The following OCRL variants were observed in gnomAD, a reference collection of about 807,000 sequenced individuals.
OCRL encodes OCRL inositol polyphosphate-5-phosphatase.
OCRL carries 8 observed loss-of-function variants against 78.9 expected under a neutral mutation model. The ratio of observed to expected loss-of-function variants is 0.10; its 90% CI spans 0.06 to 0.18. The LOEUF (loss-of-function observed/expected upper bound fraction) is 0.18, where lower values mean the gene tolerates loss of function less well. OCRL is among the 10% of genes least tolerant of loss of function. The pLI is 1.00. For missense variants in OCRL, 454 were observed against 696.7 expected (o/e 0.65, Z 3.92); for synonymous variants, 240 against 235.4 (o/e 1.02, Z -0.18).
At chrX:129,587,876 A>G (rs1936534304) in intron 20 of OCRL, among the ~76,000 whole-genome samples, 1 of 110,308 alleles carries the variant, frequency 9.1e-6, no homozygotes, top group African/African-American at 3.3e-5. Context: ...CTCTATAAAA[A>G]AAAATTTTAA....
intron 16 of OCRL, 34 bp from the exon 17 acceptor site, chrX:129,575,863 T>C (rs1350372235): frequency 2.5e-6 from 3 of 1,201,747 alleles, no homozygotes; most frequent in Non-Finnish European, 3.4e-6. Flanking sequence ...CCCCTACTAG[T>C]GATGCATGTT....
At chrX:129,542,090 C>A (rs1477935072) in intron 2 of OCRL, among the ~76,000 whole-genome samples, 2 of 112,113 alleles carry the variant, frequency 1.8e-5, no homozygotes, top group Non-Finnish European at 3.8e-5. Flanking sequence ...CTTGGGCAAA[C>A]CAGTAAAACT....
intron 18 of OCRL, among the ~76,000 whole-genome samples, chrX:129,580,521 A>G (rs961835769): frequency 6.2e-5 from 7 of 112,292 alleles, no homozygotes; most frequent in Middle Eastern, 4.2e-3. Flanking sequence ...TATAGTTGGA[A>G]GAACATTCTG....
At chrX:129,560,495 T>C in intron 8 of OCRL, 55 bp from the exon 9 acceptor site, 1 of 790,793 alleles carries the variant, frequency 1.3e-6, no homozygotes, top group Non-Finnish European at 1.9e-6. Flanking sequence ...AAAGAACTTC[T>C]GTTGGTTTAT....
intron 3 of OCRL, among the ~76,000 whole-genome samples, chrX:129,547,661 T>C (rs984382716): frequency 1.2e-4 from 13 of 111,795 alleles, no homozygotes; most frequent in Non-Finnish European, 2.1e-4. Flanking sequence ...TTAATCATCC[T>C]AATAATAATA....
intron 15 of OCRL, among the ~76,000 whole-genome samples, chrX:129,572,224 G>T (rs143968532): frequency 1.8e-5 from 2 of 111,468 alleles, no homozygotes; most frequent in Non-Finnish European, 3.8e-5. Flanking sequence ...TATCATAAAC[G>T]GTCTTATATG....
rs771353823 is a variant in OCRL, at chrX:129,558,975, A to C, written c.696A>C (p.Lys232Asn). ...LIKHILAKREKEYVNIQTFRF... is the reference protein window; with the variant it reads ...LIKHILAKRENEYVNIQTFRF... ...AACATATCCTGGCAAAGCGAGAGAAAGAATATGTCAACATTCAGACTTTCA... is the reference window on the plus strand; with the variant it reads ...AACATATCCTGGCAAAGCGAGAGAACGAATATGTCAACATTCAGACTTTCA... Residue 232 changes from lysine to asparagine, a missense_variant, in exon 8 of 24, where the codon AAA (lysine) becomes AAC (asparagine). By Grantham distance (94) the Lys-to-Asn change is moderately conservative (BLOSUM62 0). Around this residue, in one of 2 missense-constraint regions of OCRL, gnomAD observed 177 missense variants for 179.6 expected, o/e 0.99. Coordinates refer to ENST00000371113, the MANE Select transcript of OCRL (RefSeq NM_000276.4). 3 of 1,211,094 alleles carry C rather than the reference A, an allele frequency of 2.5e-6. No individual in the cohort carries two copies. In the South Asian group the frequency reaches 5.3e-5, roughly 21 times the overall value.
chrX:129,581,685 T>C (rs1936440604), intron 18 of OCRL, among the ~76,000 whole-genome samples: 1 of 102,736 alleles, frequency 9.7e-6, no homozygotes, highest in Admixed American at 1.1e-4. Flanking sequence ...TATCCTTTAA[T>C]ATATATACTT....
At position 129,542,603 on chromosome X, in the gene OCRL, A is replaced by C. The variant is rs533326270; in HGVS notation, c.119+1780A>C. Reference sequence around the variant, plus strand: ...TAATCCACATGTGAGGGTTACTATAAGATAGTAATATCATCATCCCCCTTT... The same window carrying C: ...TAATCCACATGTGAGGGTTACTATACGATAGTAATATCATCATCCCCCTTT... On this transcript the variant is annotated intron_variant, in intron 2 of 23. Transcript: ENST00000371113. 5.9e-4 allele frequency among the ~76,000 whole-genome samples: 66 copies of C among 111,044 alleles called. 2 individuals carry two copies. The South Asian group carries it at 0.025, about 42-fold the overall frequency.
chrX:129,559,373 G>GT (rs1246513941), intron 8 of OCRL, among the ~76,000 whole-genome samples: 1 of 111,612 alleles, frequency 9.0e-6, no homozygotes, highest in Non-Finnish European at 1.9e-5. Context: ...TAATATTTGT[G>GT]TTTTTTATAG....
At chrX:129,571,194 T>G (rs1936294192) in intron 15 of OCRL, among the ~76,000 whole-genome samples, 1 of 111,389 alleles carries the variant, frequency 9.0e-6, no homozygotes, top group African/African-American at 3.3e-5. Context: ...TAGTTTGTAC[T>G]TGCAGGCTGC....
At chrX:129,574,198 G>C (rs867102530) in intron 15 of OCRL, among the ~76,000 whole-genome samples, 13 of 112,094 alleles carry the variant, frequency 1.2e-4, no homozygotes, top group South Asian at 7.4e-4. Flanking sequence ...ACCAGCATCT[G>C]TTTCCACATC....
intron 2 of OCRL, among the ~76,000 whole-genome samples, chrX:129,544,301 G>A (rs1935848615): frequency 9.0e-6 from 1 of 111,135 alleles, no homozygotes; most frequent in Admixed American, 9.6e-5. Context: ...GTTTACTCAT[G>A]TTTATGTAGA....
intron 2 of OCRL, among the ~76,000 whole-genome samples, chrX:129,542,005 TAAAAC>T (rs1341669111): frequency 8.9e-6 from 1 of 112,352 alleles, no homozygotes; most frequent in African/African-American, 3.2e-5. Context: ...CAGAATTTAA[TAAAAC>T]AAAATTCAGC....
chrX:129,580,580 G>T (rs1936426184), intron 18 of OCRL, among the ~76,000 whole-genome samples: 1 of 112,378 alleles, frequency 8.9e-6, no homozygotes, highest in Admixed American at 9.4e-5. Context: ...ACTTGAACTT[G>T]CCAGATGTGG....
intron 4 of OCRL, among the ~76,000 whole-genome samples, chrX:129,555,995 A>C (rs1936042297): frequency 9.0e-6 from 1 of 110,565 alleles, no homozygotes; most frequent in South Asian, 3.8e-4. Flanking sequence ...TGGCACCCTC[A>C]TTAATTTTCT....
intron 18 of OCRL, among the ~76,000 whole-genome samples, chrX:129,578,346 G>T (rs1251777268): frequency 9.0e-6 from 1 of 110,552 alleles, no homozygotes; most frequent in Admixed American, 9.7e-5. Flanking sequence ...GAGTAGTACA[G>T]TTCCTACTTT....
At chrX:129,557,993 AG>A in intron 6 of OCRL, 43 bp downstream of exon 6, 1 of 848,089 alleles carries the variant, frequency 1.2e-6, no homozygotes, top group Non-Finnish European at 1.8e-6. Flanking sequence ...TGGTCATTGC[AG>A]AGTCAGTAGA....
At position 129,590,724 on chromosome X, in the gene OCRL, T is replaced by C. The variant is rs542130397; in HGVS notation, c.*454T>C. 5 of 166,484 alleles carry C rather than the reference T, an allele frequency of 3.0e-5. No individual in the cohort carries two copies. In the South Asian group the frequency reaches 6.4e-4, roughly 21 times the overall value. The allele number at this position is 166,484 out of a possible 1,213,427, so 13.7% of individuals were successfully genotyped here. On this transcript the variant is annotated 3_prime_UTR_variant, in exon 24 of 24. Coordinates refer to ENST00000371113, the MANE Select transcript of OCRL (RefSeq NM_000276.4). ...CCCTTCCTGGATCACTCCTTTGCAC[T>C]CCACTCCCCTCGTTCTGTCACTTTG...
Sources: allele counts gnomAD v4.1 joint callset (sites outside exome capture counted in the v4.1 genomes callset), GRCh38; gene constraint gnomAD v4.1.1; regional missense constraint gnomAD v4.1.1; transcripts MANE v1.5; gene names NCBI Gene and HGNC (gene_info 2026-07-23, HGNC 2026-07-21).